Variants in CNTN6 observed in about 807,000 individuals in gnomAD.
The protein encoded by CNTN6 is contactin-6.
A neutral mutation model predicts 122.8 loss-of-function variants in CNTN6; 137 were observed. The ratio of observed to expected loss-of-function variants is 1.12; its 90% CI spans 0.97 to 1.29. CNTN6 has a LOEUF of 1.29. CNTN6 is among the 50% of genes most tolerant of loss of function. The pLI, the probability that CNTN6 is intolerant of heterozygous loss-of-function variation, is 0.00. For missense variants in CNTN6, 1,634 were observed against 1,223.4 expected (o/e 1.34, Z -5.01); for synonymous variants, 570 against 426.0 (o/e 1.34, Z -4.16).
At chr3:1,389,423 G>A (rs952505978) in intron 20 of CNTN6, among the ~76,000 whole-genome samples, 7 of 151,882 alleles carry the variant, frequency 4.6e-5, no homozygotes, top group African/African-American at 1.7e-4. Flanking sequence ...CACTAAACAT[G>A]GAAAGGAACA....
chr3:1,127,346 TA>T (rs1426119923), intron 1 of CNTN6, among the ~76,000 whole-genome samples: 2 of 151,890 alleles, frequency 1.3e-5, no homozygotes, highest in African/African-American at 4.8e-5. Context: ...GACAAAAGGA[TA>T]AATATTTAAT....
At chr3:1,153,535 C>A (rs2092895184) in intron 2 of CNTN6, among the ~76,000 whole-genome samples, 2 of 152,122 alleles carry the variant, frequency 1.3e-5, no homozygotes, top group Admixed American at 6.6e-5. Flanking sequence ...AAGAAAAAAT[C>A]TATTTTGTCA....
chr3:1,175,365 T>C (rs1012149657), intron 2 of CNTN6, among the ~76,000 whole-genome samples: 6 of 150,474 alleles, frequency 4.0e-5, no homozygotes, highest in Admixed American at 6.6e-5. Flanking sequence ...AATGATTAGA[T>C]ACAGTGGAGA....
intron 4 of CNTN6, among the ~76,000 whole-genome samples, chr3:1,251,519 C>T (rs536156133): frequency 3.3e-5 from 5 of 152,074 alleles, no homozygotes; most frequent in Non-Finnish European, 7.4e-5. Context: ...TTTCACTTTC[C>T]CCCTTATTTC....
chr3:1,198,122 A>C (rs1404229705), intron 2 of CNTN6, among the ~76,000 whole-genome samples: 1 of 152,168 alleles, frequency 6.6e-6, no homozygotes, highest in East Asian at 1.9e-4. Flanking sequence ...TCTATGAAGC[A>C]CTTGAGACTT....
intron 11 of CNTN6, among the ~76,000 whole-genome samples, chr3:1,349,112 A>G (rs1705219650): frequency 6.6e-6 from 1 of 151,990 alleles, no homozygotes; most frequent in African/African-American, 2.4e-5. Context: ...TCAATCATGT[A>G]TTTAAACTGC....
At chr3:1,126,104 T>C (rs1335378046) in intron 1 of CNTN6, among the ~76,000 whole-genome samples, 2 of 151,910 alleles carry the variant, frequency 1.3e-5, no homozygotes. Context: ...TTTTTGTCTT[T>C]CCCATATGAT....
chr3:1,280,741 A>T (rs1362307853), intron 5 of CNTN6, among the ~76,000 whole-genome samples: 2 of 152,020 alleles, frequency 1.3e-5, no homozygotes, highest in African/African-American at 4.8e-5. Flanking sequence ...CTGGGATTAC[A>T]GGCATGAGTC....
At chr3:1,399,101 A>C (rs1350090449) in intron 20 of CNTN6, among the ~76,000 whole-genome samples, 1 of 152,146 alleles carries the variant, frequency 6.6e-6, no homozygotes, top group Non-Finnish European at 1.5e-5. Flanking sequence ...ATCCGGAAAT[A>C]CATAAAACAT....
intron 10 of CNTN6, among the ~76,000 whole-genome samples, chr3:1,328,818 A>T (rs959123357): frequency 6.6e-6 from 1 of 151,742 alleles, no homozygotes; most frequent in Non-Finnish European, 1.5e-5. Context: ...GACTGGACAC[A>T]TGGATTCCAA....
chr3:1,106,951 G>T (rs963752734), intron 1 of CNTN6, among the ~76,000 whole-genome samples: 1 of 152,036 alleles, frequency 6.6e-6, no homozygotes, highest in Non-Finnish European at 1.5e-5. Context: ...GAAATAGAAC[G>T]AATAGTGCCA....
intron 1 of CNTN6, among the ~76,000 whole-genome samples, chr3:1,099,178 T>A (rs34357293): frequency 6.6e-5 from 10 of 152,096 alleles, no homozygotes; most frequent in Non-Finnish European, 1.5e-4. Flanking sequence ...TTCGCCGGGC[T>A]CAGTGGCTCA....
At chr3:1,212,459 GTA>G (rs1048208646) in intron 2 of CNTN6, among the ~76,000 whole-genome samples, 1 of 149,898 alleles carries the variant, frequency 6.7e-6, no homozygotes, top group East Asian at 2.0e-4. Context: ...ATATGTGTGT[GTA>G]TATATATACA....
chr3:1,355,956 G>A (rs1038125912), intron 12 of CNTN6, among the ~76,000 whole-genome samples: 4 of 151,742 alleles, frequency 2.6e-5, no homozygotes, highest in Admixed American at 1.3e-4. Context: ...AGGATAAGGC[G>A]ATTTTCCATT....
chr3:1,325,982 C>A (rs779038972), intron 9 of CNTN6, 31 bp downstream of exon 9: 45 of 1,589,578 alleles, frequency 2.8e-5, no homozygotes, highest in Middle Eastern at 1.7e-4. Context: ...TAAAAGTTTA[C>A]CTACTCTACT....
At chr3:1,372,148 C>A in intron 12 of CNTN6, 151 bp from the exon 13 acceptor site, 1 of 489,898 alleles carries the variant, frequency 2.0e-6, no homozygotes, top group Non-Finnish European at 3.5e-6. Flanking sequence ...CATTTAAAAA[C>A]AGGCAAAGGA....
At chr3:1,338,093 G>A (rs1210520829) in intron 11 of CNTN6, among the ~76,000 whole-genome samples, 6 of 152,114 alleles carry the variant, frequency 3.9e-5, no homozygotes, top group Admixed American at 1.3e-4. Flanking sequence ...GCCTATTACT[G>A]CTGTAGTCCC....
At chr3:1,342,745 C>T (rs935447180) in intron 11 of CNTN6, among the ~76,000 whole-genome samples, 43 of 152,162 alleles carry the variant, frequency 2.8e-4, no homozygotes, top group African/African-American at 9.6e-4. Flanking sequence ...TAATTAAAAA[C>T]ATTTTACTCT....
chr3:1,225,687 G>T (rs952790429), intron 3 of CNTN6, among the ~76,000 whole-genome samples: 1 of 140,648 alleles, frequency 7.1e-6, no homozygotes, highest in African/African-American at 3.0e-5. Context: ...AGTTTTGAAG[G>T]GTTTTATTAT....
Sources: gnomAD v4.1 joint callset for allele counts (sites outside exome capture counted in the v4.1 genomes callset) on GRCh38, gnomAD v4.1.1 for gene constraint, MANE v1.5 for transcripts, NCBI Gene and HGNC (gene_info 2026-07-23, HGNC 2026-07-21) for gene names.